The following PRKG1 variants were observed in gnomAD, a reference collection of about 807,000 sequenced individuals.
The protein encoded by PRKG1 is protein kinase cGMP-dependent 1.
In PRKG1, 35 loss-of-function variants were observed where a neutral mutation model predicts 88.1. The ratio of observed to expected loss-of-function variants is 0.40; its 90% CI spans 0.30 to 0.53. The LOEUF (loss-of-function observed/expected upper bound fraction) is 0.53. Among genes scored for constraint, PRKG1 ranks in the 20% least tolerant of loss-of-function variants. PRKG1 has a pLI of 0.59. For synonymous variants in PRKG1, 303 were observed against 292.5 expected, an observed-to-expected ratio of 1.04 and a Z score of -0.37; for missense variants, 540 against 839.8, an observed-to-expected ratio of 0.64 and a Z score of 4.41.
At chr10:51,749,924 C>G (rs73345347) in intron 3 of PRKG1, among the ~76,000 whole-genome samples, 67 of 149,638 alleles carry the variant, frequency 4.5e-4, no homozygotes, top group African/African-American at 1.5e-3. Flanking sequence ...AACTGTATCT[C>G]TAATAGTCTT....
chr10:52,167,728 G>T (rs80062613), intron 9 of PRKG1, among the ~76,000 whole-genome samples: 27,998 of 151,998 alleles, frequency 0.18, 2,989 homozygotes, highest in Non-Finnish European at 0.24. Context: ...TAGAAAATGA[G>T]TACAGTGTTT....
chr10:52,058,315 A>G lies in PRKG1; in HGVS notation c.840+3754A>G, dbSNP rs148119476. Among the ~76,000 whole-genome samples the G allele has an allele frequency of 9.8e-3, 1,491 of 152,196 alleles. 10 individuals are homozygous for G. The highest frequency in any genetic ancestry group is 0.024 in the Middle Eastern group (7 of 292). ...ACTGGATATTTTACTATAAATGAATATTGAAAAAGCCATATCATTCAACAT... is the reference window on the plus strand; with the variant it reads ...ACTGGATATTTTACTATAAATGAATGTTGAAAAAGCCATATCATTCAACAT... On this transcript the variant is annotated intron_variant, in intron 6 of 17. Transcript: ENST00000373980.
intron 10 of PRKG1, among the ~76,000 whole-genome samples, chr10:52,267,554 A>T (rs929200472): frequency 1.3e-5 from 2 of 152,036 alleles, no homozygotes; most frequent in African/African-American, 4.8e-5. Context: ...TCAACTAAAA[A>T]TCTCCCTAAG....
At chr10:52,150,186 T>TATTATTA (rs1554810295) in intron 8 of PRKG1, among the ~76,000 whole-genome samples, 1 of 102,336 alleles carries the variant, frequency 9.8e-6, no homozygotes, top group Non-Finnish European at 1.9e-5. Flanking sequence ...TAATAATAAT[T>TATTATTA]TGATTGGCCA....
Position 51,698,646 on chromosome 10 carries a change from G to A in PRKG1, c.593-105939G>A, listed in dbSNP as rs778762664. 11 of 1,613,948 alleles carry A rather than the reference G, an allele frequency of 6.8e-6. No individual in the cohort carries two copies. Among genetic ancestry groups the A allele is most frequent in the South Asian group, 6.6e-5 (6 of 91,088 alleles). ...GGATCTGACATCTGCACTTGTCCCC[G>A]CTCTAAAGGCACTGGGCCAACCCCT... is the stretch of plus-strand genomic sequence containing the variant. On this transcript the variant is annotated intron_variant, in intron 3 of 17. Coordinates refer to ENST00000373980, the MANE Select transcript of PRKG1 (RefSeq NM_006258.4).
intron 3 of PRKG1, among the ~76,000 whole-genome samples, chr10:51,605,122 C>T (rs1053597010): frequency 6.6e-6 from 1 of 152,194 alleles, no homozygotes; most frequent in African/African-American, 2.4e-5. Context: ...CTGCGTTGTT[C>T]TGCCATCACT....
At chr10:51,101,760 T>C (rs1844686474) in intron 1 of PRKG1, among the ~76,000 whole-genome samples, 1 of 152,190 alleles carries the variant, frequency 6.6e-6, no homozygotes, top group Non-Finnish European at 1.5e-5. Context: ...CTTCTGATTA[T>C]CAGACCAAAT....
chr10:51,811,714 G>A (rs1839460925), intron 4 of PRKG1, among the ~76,000 whole-genome samples: 1 of 152,150 alleles, frequency 6.6e-6, no homozygotes, highest in Non-Finnish European at 1.5e-5. Context: ...CTAAACATAT[G>A]TCCTAGTGTT....
rs1251808487 is a variant in PRKG1 at position 50,991,704 on chromosome 10, G to T, written c.266+60G>T. 8.5e-7 allele frequency: 1 copy of T among 1,173,262 alleles called. No individual in the cohort carries two copies. Among genetic ancestry groups the T allele is most frequent in the Non-Finnish European group, 1.1e-6 (1 of 944,622 alleles). 72.7% of individuals were successfully genotyped at this position (1,173,262 alleles called of 1,614,324 possible). Reference sequence around the variant, plus strand: ...CCGGCCCGCGGCGCAGAGGCTGGGGGCTCTGGCCGCGGCGGCGGGGGCGGG... The same window carrying T: ...CCGGCCCGCGGCGCAGAGGCTGGGGTCTCTGGCCGCGGCGGCGGGGGCGGG... On this transcript the variant is annotated intron_variant, in intron 1 of 17. Transcript: ENST00000401604. The surrounding 1 kb of genome is among the most constrained non-coding windows in gnomAD (Gnocchi z 4.5).
At chr10:51,416,537 C>T (rs909022542) in intron 2 of PRKG1, among the ~76,000 whole-genome samples, 2 of 152,032 alleles carry the variant, frequency 1.3e-5, no homozygotes, top group African/African-American at 4.8e-5. Flanking sequence ...CAAACTATGC[C>T]ACCGGGACAC....
intron 10 of PRKG1, among the ~76,000 whole-genome samples, chr10:52,263,419 G>T (rs989473427): frequency 2.6e-5 from 4 of 151,962 alleles, no homozygotes; most frequent in Non-Finnish European, 2.9e-5. Context: ...CTTCATTGAG[G>T]TATAATTTAC....
At chr10:51,988,408 T>A (rs1844218789) in intron 5 of PRKG1, among the ~76,000 whole-genome samples, 1 of 152,020 alleles carries the variant, frequency 6.6e-6, no homozygotes, top group Non-Finnish European at 1.5e-5. Context: ...TGATTAAGTG[T>A]TGGGTTGCTA....
intron 2 of PRKG1, among the ~76,000 whole-genome samples, chr10:51,274,294 A>C (rs1027292457): frequency 6.6e-6 from 1 of 152,112 alleles, no homozygotes; most frequent in Non-Finnish European, 1.5e-5. Context: ...CCTTTCCTAG[A>C]TCCTGTAGAC....
At chr10:52,010,381 G>C (rs1162310012) in intron 5 of PRKG1, among the ~76,000 whole-genome samples, 1 of 152,054 alleles carries the variant, frequency 6.6e-6, no homozygotes, top group Non-Finnish European at 1.5e-5. Context: ...CTTCTCAAAA[G>C]AAAACAAAGG....
At chr10:51,042,760 T>TC (rs1259795652) in intron 1 of PRKG1, among the ~76,000 whole-genome samples, 2 of 152,078 alleles carry the variant, frequency 1.3e-5, no homozygotes, top group Non-Finnish European at 2.9e-5. Context: ...GATGTTTTTG[T>TC]CCCCCACAAT....
chr10:51,437,087 C>A (rs1451091428), intron 2 of PRKG1, among the ~76,000 whole-genome samples: 1 of 151,844 alleles, frequency 6.6e-6, no homozygotes, highest in Non-Finnish European at 1.5e-5. Context: ...AACCCGATTG[C>A]TTGAATTGTG....
chr10:51,915,728 A>C (rs1428277174), intron 5 of PRKG1, among the ~76,000 whole-genome samples: 1 of 152,192 alleles, frequency 6.6e-6, no homozygotes, highest in Non-Finnish European at 1.5e-5. Flanking sequence ...TTGTATCCAT[A>C]ATTTTTACAA....
intron 1 of PRKG1, among the ~76,000 whole-genome samples, chr10:51,005,876 CT>C (rs901117897): frequency 1.1e-4 from 16 of 152,192 alleles, no homozygotes; most frequent in African/African-American, 3.6e-4. Flanking sequence ...CTCTCCCCTC[CT>C]CTCATTGTCT....
At chr10:52,263,021 A>T (rs1197321065) in intron 10 of PRKG1, among the ~76,000 whole-genome samples, 1 of 152,116 alleles carries the variant, frequency 6.6e-6, no homozygotes, top group African/African-American at 2.4e-5. Context: ...CAGAAAGCTG[A>T]CTGTACCTAT....
Sources: gnomAD v4.1 joint callset for allele counts (sites outside exome capture counted in the v4.1 genomes callset) on GRCh38, gnomAD v4.1.1 for gene constraint, Gnocchi (gnomAD v3.1) non-coding constraint, MANE v1.5 for transcripts, NCBI Gene and HGNC (gene_info 2026-07-23, HGNC 2026-07-21) for gene names.